The following MAML2 variants were observed in gnomAD, a reference collection of about 807,000 sequenced individuals.
MAML2 encodes the protein mastermind like transcriptional coactivator 2.
In MAML2, 22 loss-of-function variants were observed where a neutral mutation model predicts 96.1. That is an observed-to-expected ratio of 0.23 (90% CI 0.16 to 0.33). The LOEUF (loss-of-function observed/expected upper bound fraction) is 0.33, where lower values mean the gene tolerates loss of function less well. Ranked by LOEUF, MAML2 falls within the 10% of genes least tolerant of loss-of-function variation. MAML2 has a pLI of 1.00. For synonymous variants in MAML2, 561 were observed against 521.3 expected, an observed-to-expected ratio of 1.08 and a Z score of -1.04; for missense variants, 1,367 against 1,392.4, an observed-to-expected ratio of 0.98 and a Z score of 0.29.
Position 95,979,611 on chromosome 11 carries a change from C to T in MAML2, c.2808G>A (p.Leu936=). 1.9e-6 allele frequency: 3 copies of T among 1,613,830 alleles called. No individual in the cohort carries two copies. The highest frequency in any genetic ancestry group is 2.5e-6 in the Non-Finnish European group (3 of 1,179,856). The stretch of plus-strand genomic sequence containing the variant: ...CCATACTATGGGTTAAATTTGGTCT[C>T]AATTGTTGTGAATTACCAACAGATC... The part of the protein sequence containing the change: ...GAGSVGNSQQ[L]RPNLTHSMAS... The change falls in exon 5 of 5, where the codon TTG becomes TTA. Residue 936 remains leucine (L), a synonymous_variant. Transcript: ENST00000524717.
At chr11:96,062,365 G>A (rs1241020893) in intron 2 of MAML2, among the ~76,000 whole-genome samples, 1 of 152,178 alleles carries the variant, frequency 6.6e-6, no homozygotes, top group Non-Finnish European at 1.5e-5. Context: ...GTGAAGTGCA[G>A]GTAAAAAGTT....
At chr11:96,156,742 A>C (rs1861016839) in intron 1 of MAML2, among the ~76,000 whole-genome samples, 1 of 152,368 alleles carries the variant, frequency 6.6e-6, no homozygotes, top group African/African-American at 2.4e-5. Context: ...AGAAGTACTA[A>C]GATTAAATAA....
At position 96,076,201 on chromosome 11, in the gene MAML2, G is replaced by A. The variant is rs76820499; in HGVS notation, c.2139+15691C>T. Among the ~76,000 whole-genome samples, 149 of 152,272 alleles carry A rather than the reference G, an allele frequency of 9.8e-4. No homozygotes were observed. In the Middle Eastern group the frequency reaches 0.014, roughly 14 times the overall value. ...ATGCTCAGGGGTGAAAGAAATATGT[G>A]TAAAACCTGGAGGTATGAATGGTGT... is the stretch of plus-strand genomic sequence containing the variant. On this transcript the variant is annotated intron_variant, in intron 2 of 4. Transcript: ENST00000524717.
chr11:96,092,642 G>A lies in MAML2; in HGVS notation c.1389C>T (p.Ala463=), dbSNP rs751541470. The A allele has an allele frequency of 3.1e-6, 5 of 1,613,748 alleles. No individual in the cohort carries two copies. In the South Asian group the frequency reaches 5.5e-5, roughly 18 times the overall value. ...QQQHQPTNWS[A]LPSSAGPSPG... is the part of the protein sequence containing the mutation. ...GTGATGGTCCAGCAGAAGAGGGCAA[G>A]GCTGACCAGTTGGTAGGCTGGTGCT... The change falls in exon 2 of 5, where the codon GCC becomes GCT. Residue 463 remains alanine (A), a synonymous_variant. Transcript: ENST00000524717. The surrounding 1 kb of genome is among the most constrained non-coding windows in gnomAD (Gnocchi z 4.1).
In MAML2 at chr11:95,986,824, T is replaced by C. The variant is rs563550516; in HGVS notation, c.2344-1182A>G. ...CCATTCTAAAAGCACAGGTTTGCTG[T>C]CCTCCCTTCATTTCTTCCTTTTGGA... On this transcript the variant is annotated intron_variant, in intron 3 of 4. Coordinates refer to ENST00000524717, the MANE Select transcript of MAML2 (RefSeq NM_032427.4). Among the ~76,000 whole-genome samples the C allele has an allele frequency of 2.6e-5, 4 of 152,206 alleles. No homozygotes were observed. The East Asian group carries it at 7.7e-4, about 29-fold the overall frequency.
At chr11:96,238,329 G>A (rs1054591171) in intron 1 of MAML2, among the ~76,000 whole-genome samples, 5 of 152,210 alleles carry the variant, frequency 3.3e-5, no homozygotes, top group African/African-American at 1.2e-4. Flanking sequence ...GAGCCAAGGT[G>A]TATCTGTGTT....
chr11:96,081,048 GGTTT>G (rs1214741653), intron 2 of MAML2, among the ~76,000 whole-genome samples: 1 of 152,084 alleles, frequency 6.6e-6, no homozygotes, highest in East Asian at 1.9e-4. Context: ...CTACAACACT[GGTTT>G]GCAAACTAAG....
At chr11:96,158,553 A>T (rs1381269314) in intron 1 of MAML2, among the ~76,000 whole-genome samples, 2 of 152,214 alleles carry the variant, frequency 1.3e-5, no homozygotes, top group Non-Finnish European at 2.9e-5. Flanking sequence ...AAATCACAGC[A>T]GATTTCTTTT....
At chr11:96,153,338 T>C (rs969658944) in intron 1 of MAML2, among the ~76,000 whole-genome samples, 1 of 152,190 alleles carries the variant, frequency 6.6e-6, no homozygotes, top group Non-Finnish European at 1.5e-5. Context: ...ATGTGGTCCC[T>C]GGGGTCAACC....
At chr11:96,296,741 C>T (rs1865437) in intron 1 of MAML2, among the ~76,000 whole-genome samples, 4,522 of 152,170 alleles carry the variant, frequency 0.03, 225 homozygotes, top group African/African-American at 0.1. Context: ...ACAGGATTTG[C>T]ATTAGAAGTC....
chr11:96,121,137 A>C (rs56983147), intron 1 of MAML2, among the ~76,000 whole-genome samples: 2,074 of 151,984 alleles, frequency 0.014, 48 homozygotes, highest in African/African-American at 0.046. Context: ...CTCATTTCTG[A>C]GAGAGAGAGA....
At chr11:96,192,116 G>C (rs1188585107) in intron 1 of MAML2, among the ~76,000 whole-genome samples, 1 of 152,206 alleles carries the variant, frequency 6.6e-6, no homozygotes, top group Non-Finnish European at 1.5e-5. Context: ...GAGGAAAGTA[G>C]AGGCTTTGAA....
intron 1 of MAML2, among the ~76,000 whole-genome samples, chr11:96,124,933 C>T (rs1167626339): frequency 6.6e-6 from 1 of 152,216 alleles, no homozygotes; most frequent in Non-Finnish European, 1.5e-5. Context: ...GCTTCTGTTT[C>T]CTCCTGTGTC....
chr11:96,105,855 A>C (rs796231493), intron 1 of MAML2, among the ~76,000 whole-genome samples: 6 of 145,152 alleles, frequency 4.1e-5, no homozygotes, highest in African/African-American at 1.5e-4. Context: ...GAAGTTTACT[A>C]AGATATTTGG....
At chr11:96,099,059 A>G (rs1156350181) in intron 1 of MAML2, among the ~76,000 whole-genome samples, 3 of 152,100 alleles carry the variant, frequency 2.0e-5, no homozygotes, top group Non-Finnish European at 4.4e-5. Context: ...TCCATAGGTC[A>G]CTTTTTTTCA....
intron 2 of MAML2, among the ~76,000 whole-genome samples, chr11:96,068,679 A>T (rs996350004): frequency 6.6e-6 from 1 of 151,982 alleles, no homozygotes; most frequent in African/African-American, 2.4e-5. Flanking sequence ...ATACAAAAAA[A>T]ATTAGCTGGG....
intron 1 of MAML2, among the ~76,000 whole-genome samples, chr11:96,177,575 G>A (rs1361121912): frequency 1.1e-4 from 17 of 152,250 alleles, no homozygotes; most frequent in Non-Finnish European, 1.5e-5. Flanking sequence ...GTTTTTATTT[G>A]GGGCTGAGTC....
At chr11:96,029,196 TA>T (rs1405045328) in intron 2 of MAML2, among the ~76,000 whole-genome samples, 24 of 140,918 alleles carry the variant, frequency 1.7e-4, no homozygotes, top group East Asian at 6.1e-4. Context: ...CAAATAATAA[TA>T]AAAAAAAAAC....
chr11:96,048,058 A>G (rs946549392), intron 2 of MAML2, among the ~76,000 whole-genome samples: 23 of 152,148 alleles, frequency 1.5e-4, no homozygotes, highest in Admixed American at 1.2e-3. Context: ...GGGTAGTTTG[A>G]GAAGCCAAGA....
Sources: allele counts gnomAD v4.1 joint callset (sites outside exome capture counted in the v4.1 genomes callset), GRCh38; gene constraint gnomAD v4.1.1; non-coding constraint Gnocchi (gnomAD v3.1); transcripts MANE v1.5; gene names NCBI Gene and HGNC (gene_info 2026-07-23, HGNC 2026-07-21).